PGR: variants seen among roughly 807,000 people sequenced by gnomAD.
PGR encodes the protein nuclear receptor subfamily 3 group C member 3.
A neutral mutation model predicts 76.1 loss-of-function variants in PGR; 25 were observed. That is an observed-to-expected ratio of 0.33 (90% CI 0.24 to 0.46). The LOEUF is 0.46. Ranked by LOEUF, PGR falls within the 20% of genes least tolerant of loss-of-function variation. The pLI is 1.00. For synonymous variants in PGR, 579 were observed against 535.0 expected, an observed-to-expected ratio of 1.08 and a Z score of -1.14; for missense variants, 1,172 against 1,225.3, an observed-to-expected ratio of 0.96 and a Z score of 0.65.
At chr11:101,079,754 T>A (rs1401329447) in intron 3 of PGR, among the ~76,000 whole-genome samples, 1 of 152,216 alleles carries the variant, frequency 6.6e-6, no homozygotes, top group East Asian at 1.9e-4. Flanking sequence ...ATCCTACTGT[T>A]GGGCATATAG....
chr11:101,070,730 C>T (rs983662665), intron 3 of PGR, among the ~76,000 whole-genome samples: 20 of 152,172 alleles, frequency 1.3e-4, no homozygotes, highest in African/African-American at 4.8e-4. Flanking sequence ...TGGGCAGAGC[C>T]CACTGCAGCA....
chr11:101,115,390 C>T (rs775189574), intron 2 of PGR, among the ~76,000 whole-genome samples: 3 of 152,046 alleles, frequency 2.0e-5, no homozygotes, highest in Non-Finnish European at 2.9e-5. Context: ...CATGATTGAA[C>T]GAAAACTATA....
intron 2 of PGR, among the ~76,000 whole-genome samples, chr11:101,105,611 A>T (rs1247659380): frequency 6.6e-6 from 1 of 151,752 alleles, no homozygotes; most frequent in East Asian, 1.9e-4. Flanking sequence ...TTCCATGCTC[A>T]TGGGTAGGAA....
At position 101,128,995 on chromosome 11, in the gene PGR, G is replaced by T; in HGVS notation, c.76C>A (p.Pro26Thr). The T allele has an allele frequency of 1.3e-6, 2 of 1,591,108 alleles. No homozygotes were observed. The highest frequency in any genetic ancestry group is 1.7e-6 in the Non-Finnish European group (2 of 1,168,710). The change falls in exon 1 of 8, where the codon CCA (proline) becomes ACA (threonine). Residue 26 changes from proline (P) to threonine (T), a missense_variant. Coordinates refer to ENST00000325455, the MANE Select transcript of PGR (RefSeq NM_000926.4). The part of the protein sequence containing the change: ...GGPPSPEVGS[P>T]LLCRPAAGPF... ...CCTGCGGCTGGGCGACACAGCAGTG[G>T]GGATCCGACCTCGGGGGAGGGCGGG...
intron 2 of PGR, among the ~76,000 whole-genome samples, chr11:101,095,826 A>AT (rs370635090): frequency 9.9e-5 from 15 of 152,232 alleles, no homozygotes; most frequent in South Asian, 4.1e-4. Flanking sequence ...ATATAGTTAG[A>AT]TTTTTTCTAG....
chr11:101,128,092 C>T lies in PGR; in HGVS notation c.979G>A (p.Glu327Lys). The change falls in exon 1 of 8, where the codon GAA (glutamate) becomes AAA (lysine). Residue 327 changes from glutamate (E) to lysine (K), a missense_variant. Physicochemically the swap from Glu to Lys is moderately conservative, Grantham distance 56. This residue lies in a region of PGR where 893 missense variants were observed against 785.9 expected (regional missense o/e 1.14). Coordinates refer to ENST00000325455, the MANE Select transcript of PGR (RefSeq NM_000926.4). ...GCCCCGGCCCCGCCGTCGTAACTTT[C>T]GTCTTCCAGCAGCTGCCGAGTGCGG... ...AARTRQLLED[E>K]SYDGGAGAAS... is the part of the protein sequence containing the mutation. 2 of 1,599,884 alleles carry T rather than the reference C, an allele frequency of 1.3e-6. No individual in the cohort carries two copies. The highest frequency in any genetic ancestry group is 1.7e-6 in the Non-Finnish European group (2 of 1,179,688).
chr11:101,090,258 T>C (rs568712698), intron 3 of PGR, among the ~76,000 whole-genome samples: 26 of 152,324 alleles, frequency 1.7e-4, no homozygotes, highest in African/African-American at 6.3e-4. Flanking sequence ...CTAGGTTATA[T>C]TGCTGATCCC....
At chr11:101,092,661 A>G (rs1220806430) in intron 2 of PGR, among the ~76,000 whole-genome samples, 3 of 152,198 alleles carry the variant, frequency 2.0e-5, no homozygotes, top group Non-Finnish European at 4.4e-5. Context: ...TGATTTTTAA[A>G]CCACAAATAT....
At chr11:101,095,630 G>A (rs1040123580) in intron 2 of PGR, among the ~76,000 whole-genome samples, 1 of 152,168 alleles carries the variant, frequency 6.6e-6, no homozygotes, top group Non-Finnish European at 1.5e-5. Context: ...CTGTTTAAGT[G>A]TGAATGTCAA....
chr11:101,037,617 T>C lies in PGR; in HGVS notation c.*1499A>G, dbSNP rs562357845. The C allele has an allele frequency of 1.3e-5, 3 of 226,816 alleles. No individual in the cohort carries two copies. Among genetic ancestry groups the C allele is most frequent in the African/African-American group, 6.7e-5 (3 of 44,952 alleles). The allele number at this position is 226,816 out of a possible 1,614,324, so 14.1% of individuals were successfully genotyped here. On this transcript the variant is annotated 3_prime_UTR_variant, in exon 8 of 8. Transcript: ENST00000325455. ...TCTAAAGTATTGTCCTTAAGACACATAAAATACACTTCTATTCTTCTATGT... is the reference window on the plus strand; with the variant it reads ...TCTAAAGTATTGTCCTTAAGACACACAAAATACACTTCTATTCTTCTATGT...
At chr11:101,049,014 G>A (rs1300139713) in intron 6 of PGR, among the ~76,000 whole-genome samples, 3 of 151,950 alleles carry the variant, frequency 2.0e-5, no homozygotes, top group Non-Finnish European at 4.4e-5. Flanking sequence ...CCAAGTAGTG[G>A]GGACTACAGG....
chr11:101,059,934 C>T (rs1251326850), intron 4 of PGR, among the ~76,000 whole-genome samples: 1 of 148,744 alleles, frequency 6.7e-6, no homozygotes, highest in East Asian at 2.0e-4. Context: ...ATTATTATAA[C>T]AGATCCAAGA....
chr11:101,029,711 G>A lies in PGR; in HGVS notation c.*9405C>T, dbSNP rs191617184. 308 of 211,268 alleles carry A rather than the reference G, an allele frequency of 1.5e-3. No homozygotes were observed. Among genetic ancestry groups the A allele is most frequent in the Middle Eastern group, 6.3e-3 (4 of 636 alleles). 13.1% of individuals were successfully genotyped at this position (211,268 alleles called of 1,614,324 possible). A position where few individuals can be genotyped will look rare whatever the true frequency, so the allele number is the denominator to read the frequency against. ...ATTTTTAAAGAAAACATTATGTGAA[G>A]ATGATTCATTTCAAACCACCAGCCA... On this transcript the variant is annotated 3_prime_UTR_variant, in exon 8 of 8. Transcript: ENST00000325455.
chr11:101,102,461 C>T (rs1862023926), intron 2 of PGR, among the ~76,000 whole-genome samples: 1 of 152,122 alleles, frequency 6.6e-6, no homozygotes, highest in Non-Finnish European at 1.5e-5. Flanking sequence ...CCAGCATATT[C>T]TGAAGATGCA....
chr11:101,066,850 A>G (rs968489051), intron 3 of PGR, among the ~76,000 whole-genome samples: 1 of 152,146 alleles, frequency 6.6e-6, no homozygotes, highest in African/African-American at 2.4e-5. Flanking sequence ...CACTGCTTGC[A>G]CCATAATTTA....
intron 2 of PGR, among the ~76,000 whole-genome samples, chr11:101,107,327 G>C (rs1490011694): frequency 6.6e-6 from 1 of 151,988 alleles, no homozygotes; most frequent in Non-Finnish European, 1.5e-5. Context: ...TCCTGAAGCT[G>C]TTCTGCTCCT....
intron 6 of PGR, among the ~76,000 whole-genome samples, chr11:101,043,925 C>T (rs1859778039): frequency 2.0e-5 from 3 of 152,148 alleles, no homozygotes; most frequent in Admixed American, 6.5e-5. Context: ...ACAGATTGAG[C>T]GTAATTCTTA....
intron 3 of PGR, among the ~76,000 whole-genome samples, chr11:101,078,112 A>C (rs1303245468): frequency 6.6e-6 from 1 of 152,082 alleles, no homozygotes; most frequent in East Asian, 1.9e-4. Flanking sequence ...AAAACAACAA[A>C]AATCTTTACT....
intron 6 of PGR, among the ~76,000 whole-genome samples, chr11:101,049,444 C>T (rs150924399): frequency 9.9e-5 from 15 of 152,242 alleles, no homozygotes; most frequent in Non-Finnish European, 1.6e-4. Context: ...ATTGTATGTG[C>T]TATACTTTAT....
Sources: gnomAD v4.1 joint callset for allele counts (sites outside exome capture counted in the v4.1 genomes callset) on GRCh38, gnomAD v4.1.1 for gene constraint, gnomAD v4.1.1 regional missense constraint, MANE v1.5 for transcripts, NCBI Gene and HGNC (gene_info 2026-07-23, HGNC 2026-07-21) for gene names.